The following MTA3 variants were observed in gnomAD, a reference collection of about 807,000 sequenced individuals.
MTA3 encodes metastasis associated 1 family member 3, also known as metastasis-associated protein MTA3.
Under a neutral mutation model 83.5 loss-of-function variants are expected in MTA3, and 34 were observed. The observed-to-expected ratio is 0.41, with a 90% confidence interval of 0.31 to 0.54. The LOEUF is 0.54. Among genes scored for constraint, MTA3 ranks in the 20% least tolerant of loss-of-function variants. The pLI is 0.33. For missense variants in MTA3, 761 were observed against 726.4 expected (o/e 1.05, Z -0.55); for synonymous variants, 303 against 252.7 (o/e 1.20, Z -1.89).
In MTA3 at chr2:42,579,156, G is replaced by A. The variant is rs757855442; in HGVS notation, c.146G>A (p.Arg49His). ...EAKVVCFYRR[R>H]DISNTLIMLA... Reference sequence around the variant, plus strand: ...AAAGTAGTATGCTTTTATAGACGACGTGATATTTCCAACACACTTATAATG... The same window carrying A: ...AAAGTAGTATGCTTTTATAGACGACATGATATTTCCAACACACTTATAATG... Residue 49 changes from arginine (R) to histidine (H), a missense_variant, in exon 3 of 17, where the codon CGT becomes CAT. Coordinates refer to ENST00000405094, the MANE Select transcript of MTA3 (RefSeq NM_001330442.2). The A allele has an allele frequency of 1.3e-5, 21 of 1,607,758 alleles. No homozygotes were observed. The highest frequency in any genetic ancestry group is 1.8e-5 in the Non-Finnish European group (21 of 1,177,382).
chr2:42,512,909 C>T (rs1674969367), intron 2 of MTA3, among the ~76,000 whole-genome samples: 1 of 152,182 alleles, frequency 6.6e-6, no homozygotes, highest in Non-Finnish European at 1.5e-5. Flanking sequence ...TCTATATAAA[C>T]ATTCTGAGAC....
chr2:42,675,864 T>G (rs1245511008), intron 8 of MTA3, among the ~76,000 whole-genome samples: 1 of 152,230 alleles, frequency 6.6e-6, no homozygotes, highest in Non-Finnish European at 1.5e-5. Flanking sequence ...GTAAAGTCCA[T>G]TCAAAAGAAA....
Position 42,756,222 on chromosome 2 carries a change from T to C in MTA3, c.*2823T>C, listed in dbSNP as rs1401172989. On this transcript the variant is annotated 3_prime_UTR_variant, in exon 17 of 17. Transcript: ENST00000405094. Reference sequence around the variant, plus strand: ...CTGGGGCCAAGGCCACTGGGGGACCTGCCACACTGTGGACCTGTCTGGTGG... The same window carrying C: ...CTGGGGCCAAGGCCACTGGGGGACCCGCCACACTGTGGACCTGTCTGGTGG... 11 of 196,850 alleles carry C rather than the reference T, an allele frequency of 5.6e-5. No homozygotes were observed. Among genetic ancestry groups the C allele is most frequent in the Admixed American group, 2.0e-4 (3 of 15,320 alleles). 12.2% of individuals were successfully genotyped at this position (196,850 alleles called of 1,614,324 possible).
intron 2 of MTA3, among the ~76,000 whole-genome samples, chr2:42,561,425 C>T (rs1233631450): frequency 3.3e-5 from 5 of 151,860 alleles, no homozygotes; most frequent in African/African-American, 9.7e-5. Context: ...CGGGTTCAAG[C>T]GATTCTCCTG....
At chr2:42,526,622 C>A (rs1675721319) in intron 2 of MTA3, among the ~76,000 whole-genome samples, 1 of 152,130 alleles carries the variant, frequency 6.6e-6, no homozygotes, top group African/African-American at 2.4e-5. Flanking sequence ...ATTTGTCCTT[C>A]CTTCTATTCA....
rs556819816 is a variant in MTA3, at chr2:42,740,256, G to T, written c.1760-13118G>T. Among the ~76,000 whole-genome samples, 6 of 152,334 alleles carry T rather than the reference G, an allele frequency of 3.9e-5. No homozygotes were observed. The East Asian group carries it at 1.2e-3, about 29-fold the overall frequency. ...CTGGGCGTGGTGGTTTACACCTGTA[G>T]TCCCAGCACTTTGGGAGGCCAAGAC... On this transcript the variant is annotated intron_variant, in intron 16 of 16. Coordinates refer to ENST00000405094, the MANE Select transcript of MTA3 (RefSeq NM_001330442.2).
At chr2:42,505,284 C>G (rs944447895) in intron 2 of MTA3, among the ~76,000 whole-genome samples, 1 of 152,020 alleles carries the variant, frequency 6.6e-6, no homozygotes, top group Non-Finnish European at 1.5e-5. Context: ...CCCAGCTACT[C>G]AGGAGGCTGA....
chr2:42,499,079 G>A (rs1674277811), intron 2 of MTA3, among the ~76,000 whole-genome samples: 2 of 152,076 alleles, frequency 1.3e-5, no homozygotes, highest in African/African-American at 2.4e-5. Flanking sequence ...AGTTATATAG[G>A]ATGAATAAGT....
chr2:42,622,639 T>C (rs572502601), intron 4 of MTA3, among the ~76,000 whole-genome samples: 1 of 152,224 alleles, frequency 6.6e-6, no homozygotes, highest in Non-Finnish European at 1.5e-5. Flanking sequence ...CGTAAAGGAA[T>C]CTTTTTAAAA....
chr2:42,674,435 C>A (rs1433167584), intron 8 of MTA3, among the ~76,000 whole-genome samples: 1 of 152,330 alleles, frequency 6.6e-6, no homozygotes, highest in East Asian at 1.9e-4. Context: ...AACACCTTCA[C>A]TGCTTTTTGG....
intron 7 of MTA3, among the ~76,000 whole-genome samples, chr2:42,657,475 G>T (rs954425308): frequency 2.0e-5 from 3 of 152,062 alleles, no homozygotes. Context: ...TCTAGATTGG[G>T]GATTGGTTAG....
chr2:42,515,884 A>G (rs1675124467), intron 2 of MTA3, among the ~76,000 whole-genome samples: 2 of 145,804 alleles, frequency 1.4e-5, no homozygotes, highest in Admixed American at 1.4e-4. Context: ...TGTCATTCCC[A>G]GGCTGGAGTG....
chr2:42,734,395 T>C (rs1573801669), intron 16 of MTA3, among the ~76,000 whole-genome samples: 2 of 145,448 alleles, frequency 1.4e-5, no homozygotes, highest in Non-Finnish European at 3.0e-5. Context: ...TTTTTTTTTT[T>C]CCATCCCTTT....
chr2:42,644,358 C>G, intron 6 of MTA3, 114 bp downstream of exon 6: 1 of 599,756 alleles, frequency 1.7e-6, no homozygotes, highest in East Asian at 3.1e-5. Context: ...AAGTTATAAG[C>G]ACTTGCCATT....
chr2:42,608,378 A>G (rs756450953), intron 3 of MTA3, among the ~76,000 whole-genome samples: 4 of 152,204 alleles, frequency 2.6e-5, no homozygotes, highest in Non-Finnish European at 4.4e-5. Context: ...TTTCTCTTTG[A>G]GTAGTTCATT....
intron 16 of MTA3, among the ~76,000 whole-genome samples, chr2:42,728,055 A>G (rs898534957): frequency 2.0e-5 from 3 of 152,108 alleles, no homozygotes; most frequent in South Asian, 2.1e-4. Context: ...TATTCATTCT[A>G]TCTAACTATA....
intron 2 of MTA3, among the ~76,000 whole-genome samples, chr2:42,524,254 T>C (rs2103700675): frequency 6.6e-6 from 1 of 151,826 alleles, no homozygotes; most frequent in Middle Eastern, 3.4e-3. Flanking sequence ...TTGATTGACC[T>C]CCTGAAAAAG....
At chr2:42,548,835 T>TATATATATAATATATATATA (rs1558428295) in intron 2 of MTA3, among the ~76,000 whole-genome samples, 3 of 14,618 alleles carry the variant, frequency 2.1e-4, no homozygotes, top group African/African-American at 5.9e-4. Context: ...ATATAATATA[T>TATATATATAATATATATATA]ATATATATAT....
intron 3 of MTA3, among the ~76,000 whole-genome samples, chr2:42,586,481 C>CACACACAT (rs1335042172): frequency 7.4e-6 from 1 of 135,454 alleles, no homozygotes; most frequent in African/African-American, 2.7e-5. Flanking sequence ...AAGGAAAACA[C>CACACACAT]ACACACACAC....
Sources: allele counts gnomAD v4.1 joint callset (sites outside exome capture counted in the v4.1 genomes callset), GRCh38; gene constraint gnomAD v4.1.1; transcripts MANE v1.5; gene names NCBI Gene and HGNC (gene_info 2026-07-23, HGNC 2026-07-21).